The following MSL2 variants were observed in gnomAD, a reference collection of about 807,000 sequenced individuals.
MSL2 encodes E3 ubiquitin-protein ligase MSL2.
MSL2 carries 2 observed loss-of-function variants against 35.8 expected under a neutral mutation model. The ratio of observed to expected loss-of-function variants is 0.06; its 90% confidence interval spans 0.02 to 0.18. The LOEUF (loss-of-function observed/expected upper bound fraction) is 0.18. Ranked by LOEUF, MSL2 falls within the 10% of genes least tolerant of loss-of-function variation. The pLI, the probability that MSL2 is intolerant of heterozygous loss-of-function variation, is 1.00. For missense variants in MSL2, 523 were observed against 706.7 expected, an observed-to-expected ratio of 0.74 and a Z score of 2.95; for synonymous variants, 296 against 255.7, an observed-to-expected ratio of 1.16 and a Z score of -1.50.
intron 1 of MSL2, among the ~76,000 whole-genome samples, chr3:136,169,838 C>A (rs1441604376): frequency 1.3e-5 from 2 of 151,936 alleles, no homozygotes; most frequent in African/African-American, 4.8e-5. Flanking sequence ...GGATTGATCA[C>A]TTGAGGTCAG....
At chr3:136,180,470 G>A (rs1940308946) in intron 1 of MSL2, among the ~76,000 whole-genome samples, 1 of 151,840 alleles carries the variant, frequency 6.6e-6, no homozygotes. Context: ...GGGAGGCTGA[G>A]GTGGGCAGAT....
chr3:136,170,190 T>C (rs893781826), intron 1 of MSL2, among the ~76,000 whole-genome samples: 2 of 149,804 alleles, frequency 1.3e-5, no homozygotes, highest in African/African-American at 2.5e-5. Context: ...TAAAAATATA[T>C]ATATATACAA....
chr3:136,164,638 C>A (rs1046002463), intron 1 of MSL2, among the ~76,000 whole-genome samples: 1 of 152,104 alleles, frequency 6.6e-6, no homozygotes, highest in Admixed American at 6.6e-5. Flanking sequence ...AGAAACCCCC[C>A]ACCTCCAACT....
intron 1 of MSL2, among the ~76,000 whole-genome samples, chr3:136,154,994 G>C (rs1939478303): frequency 6.6e-6 from 1 of 152,144 alleles, no homozygotes; most frequent in African/African-American, 2.4e-5. Flanking sequence ...CAGATCACGA[G>C]GTCAAGAGAC....
At chr3:136,184,662 G>A (rs946487266) in intron 1 of MSL2, among the ~76,000 whole-genome samples, 14 of 144,208 alleles carry the variant, frequency 9.7e-5, no homozygotes, top group Non-Finnish European at 1.9e-4. Context: ...CAGCGTACAA[G>A]AAGGGGCCTG....
chr3:136,176,166 T>G (rs1042210140), intron 1 of MSL2, among the ~76,000 whole-genome samples: 8 of 152,208 alleles, frequency 5.3e-5, no homozygotes, highest in Non-Finnish European at 1.0e-4. Context: ...CTATATTCTT[T>G]GCCCAATATA....
At chr3:136,177,863 G>A (rs1940226611) in intron 1 of MSL2, among the ~76,000 whole-genome samples, 1 of 152,102 alleles carries the variant, frequency 6.6e-6, no homozygotes, top group Admixed American at 6.6e-5. Context: ...AAAAAGAACA[G>A]TTAAACACTG....
intron 1 of MSL2, among the ~76,000 whole-genome samples, chr3:136,157,554 G>A (rs756692427): frequency 1.3e-5 from 2 of 152,050 alleles, no homozygotes; most frequent in African/African-American, 4.8e-5. Flanking sequence ...ACCAATACAA[G>A]AGAAAGCAGA....
At chr3:136,189,041 C>G (rs1829145) in intron 1 of MSL2, among the ~76,000 whole-genome samples, 1 of 127,954 alleles carries the variant, frequency 7.8e-6, no homozygotes, top group Non-Finnish European at 1.6e-5. Context: ...ATAGATTTTT[C>G]TTAGGAGATT....
At chr3:136,153,570 C>A (rs1011639054) in intron 1 of MSL2, among the ~76,000 whole-genome samples, 7 of 151,964 alleles carry the variant, frequency 4.6e-5, no homozygotes, top group Admixed American at 4.6e-4. Flanking sequence ...GGCGGATCAC[C>A]TGAGGTCAGG....
chr3:136,169,176 G>A (rs1158781989), intron 1 of MSL2, among the ~76,000 whole-genome samples: 1 of 128,270 alleles, frequency 7.8e-6, no homozygotes, highest in Non-Finnish European at 1.6e-5. Flanking sequence ...ATTCTGCCAG[G>A]CAAATCTTTC....
chr3:136,157,412 A>C (rs758357084), intron 1 of MSL2, among the ~76,000 whole-genome samples: 3 of 152,182 alleles, frequency 2.0e-5, no homozygotes, highest in Non-Finnish European at 2.9e-5. Flanking sequence ...CTGAGGCAGG[A>C]GAACTGCTTG....
At chr3:136,179,532 G>A (rs1213231559) in intron 1 of MSL2, among the ~76,000 whole-genome samples, 2 of 152,114 alleles carry the variant, frequency 1.3e-5, no homozygotes, top group Non-Finnish European at 1.5e-5. Flanking sequence ...CCAGGATAAG[G>A]AATCACTAAA....
At chr3:136,176,537 A>C (rs950899263) in intron 1 of MSL2, among the ~76,000 whole-genome samples, 2 of 150,340 alleles carry the variant, frequency 1.3e-5, no homozygotes, top group African/African-American at 4.9e-5. Context: ...AAAAAAAAAA[A>C]ACTTTTCGGC....
intron 1 of MSL2, among the ~76,000 whole-genome samples, chr3:136,188,419 C>G (rs146238098): frequency 1.4e-5 from 2 of 144,708 alleles, no homozygotes; most frequent in African/African-American, 2.6e-5. Context: ...GACAACAGAG[C>G]AAGACTCCAT....
intron 1 of MSL2, among the ~76,000 whole-genome samples, chr3:136,161,547 G>C (rs182334188): frequency 1.3e-5 from 2 of 152,300 alleles, no homozygotes; most frequent in Non-Finnish European, 2.9e-5. Flanking sequence ...TAAAGTATTG[G>C]TACATGCCAC....
In MSL2 at chr3:136,169,592, G is replaced by A. The variant is rs1324632815; in HGVS notation, c.143-16854C>T. ...ACCTCCTGAGTAACTGGGATTACAG[G>A]TGCACACCACCACGCCCAGCTAATA... On this transcript the variant is annotated intron_variant, in intron 1 of 1. Transcript: ENST00000309993. Among the ~76,000 whole-genome samples the A allele has an allele frequency of 5.9e-5, 9 of 152,080 alleles. No homozygotes were observed. In the East Asian group the frequency reaches 1.2e-3, roughly 20 times the overall value.
chr3:136,152,918 C>T, intron 1 of MSL2, 180 bp from the exon 2 acceptor site: 2 of 985,418 alleles, frequency 2.0e-6, no homozygotes, highest in Non-Finnish European at 2.4e-6. Flanking sequence ...CGCTTGATTT[C>T]ATGCCATATT....
In MSL2 at chr3:136,180,126, A is replaced by C. The variant is rs147855019; in HGVS notation, c.142+14846T>G. On this transcript the variant is annotated intron_variant, in intron 1 of 1. Transcript: ENST00000309993. ...CCTGTTTGTAAACTCATGAATGTTA[A>C]AAATGTAGGCTAAAATGGCATACAT... is the stretch of plus-strand genomic sequence containing the variant. Among the ~76,000 whole-genome samples, 213 of 152,306 alleles carry C rather than the reference A, an allele frequency of 1.4e-3. 3 individuals carry two copies. Among genetic ancestry groups the C allele is most frequent in the African/African-American group, 4.5e-3 (187 of 41,568 alleles).
Sources: allele counts gnomAD v4.1 joint callset (sites outside exome capture counted in the v4.1 genomes callset), GRCh38; gene constraint gnomAD v4.1.1; transcripts MANE v1.5; gene names NCBI Gene and HGNC (gene_info 2026-07-23, HGNC 2026-07-21).